ERAP1: variants seen among roughly 807,000 people sequenced by gnomAD.
ERAP1 encodes endoplasmic reticulum aminopeptidase 1, also known as adipocyte-derived leucine aminopeptidase.
ERAP1 carries 86 observed loss-of-function variants against 103.7 expected under a neutral mutation model. That is an observed-to-expected ratio of 0.83 (90% confidence interval 0.70 to 0.99). The LOEUF is 0.99. Among genes scored for constraint, ERAP1 ranks in the 50% least tolerant of loss-of-function variants. ERAP1 has a pLI of 0.00. For missense variants in ERAP1, 1,009 were observed against 1,128.4 expected (o/e 0.89, Z 1.52); for synonymous variants, 398 against 402.4 (o/e 0.99, Z 0.13).
the ERAP1 span, chr5:96,915,551 T>C: frequency 4.7e-6 from 2 of 429,704 alleles, no homozygotes; most frequent in African/African-American, 2.0e-5. Flanking sequence ...AATGTTATTA[T>C]GGTAATTCAC....
the ERAP1 span, among the ~76,000 whole-genome samples, chr5:96,820,245 A>G: frequency 1.3e-5 from 2 of 152,228 alleles, no homozygotes; most frequent in African/African-American, 4.8e-5. Flanking sequence ...CTAACTAATC[A>G]GCATTTGCTT....
At chr5:96,780,350 T>G in intron 18 of ERAP1, 73 bp downstream of exon 18, 1 of 1,114,826 alleles carries the variant, frequency 9.0e-7, no homozygotes, top group Non-Finnish European at 1.3e-6. Context: ...CTCAAAGTAT[T>G]TTGTCTACCC....
chr5:96,836,602 G>C, the ERAP1 span, among the ~76,000 whole-genome samples: 1 of 152,130 alleles, frequency 6.6e-6, no homozygotes, highest in Admixed American at 6.5e-5. Flanking sequence ...GCATATTAGT[G>C]GCAAGGAGTT....
At position 96,803,399 on chromosome 5, in the gene ERAP1, AT is replaced by A. The variant is rs1429557878; in HGVS notation, c.524+3del. 6.2e-7 allele frequency: 1 copy of A among 1,612,518 alleles called. No homozygotes were observed. Among genetic ancestry groups the A allele is most frequent in the African/African-American group, 1.3e-5 (1 of 74,788 alleles). ...GTTTAAAAGAAAAAGAGAAAAAAAA[AT>A]ACCTCAGTTCCCCTTCCTTGGTTCT... On this transcript the variant is annotated splice_donor_region_variant and intron_variant, in intron 2 of 18. Coordinates refer to ENST00000443439, the MANE Select transcript of ERAP1 (RefSeq NM_001040458.3).
At chr5:96,763,017 C>T (rs1482520661) in exon 20 of ERAP1, 41 of 686,496 alleles carry the variant, frequency 6.0e-5, no homozygotes, top group Non-Finnish European at 7.2e-5. Flanking sequence ...ACCAAGGAGA[C>T]CACAGCACAT....
the ERAP1 span, among the ~76,000 whole-genome samples, chr5:96,933,772 G>A: frequency 6.6e-6 from 1 of 152,212 alleles, no homozygotes; most frequent in African/African-American, 2.4e-5. Context: ...CTAAAATATA[G>A]AGAAGAGCGT....
chr5:96,857,384 C>T, the ERAP1 span, among the ~76,000 whole-genome samples: 1 of 152,132 alleles, frequency 6.6e-6, no homozygotes, highest in South Asian at 2.1e-4. Context: ...AAGGAAAGAA[C>T]TTCATCTTGT....
chr5:96,786,833 C>T, intron 11 of ERAP1: 1 of 379,740 alleles, frequency 2.6e-6, no homozygotes, highest in South Asian at 2.7e-5. Flanking sequence ...ATCTCAGAGG[C>T]CTAACTTCAG....
At chr5:96,813,095 G>A (rs187587223), upstream of ERAP1, among the ~76,000 whole-genome samples, 81 of 152,230 alleles carry the variant, frequency 5.3e-4, no homozygotes, top group African/African-American at 1.7e-3. Flanking sequence ...CACTCCCTTG[G>A]CTACCCTGGT....
chr5:96,794,992 ATGAC>A, intron 5 of ERAP1, 46 bp downstream of exon 5: 1 of 1,607,716 alleles, frequency 6.2e-7, no homozygotes, highest in South Asian at 1.1e-5. Context: ...TGACAAATCT[ATGAC>A]TGTGTTCATC....
the ERAP1 span, among the ~76,000 whole-genome samples, chr5:96,839,448 C>G: frequency 3.5e-3 from 532 of 152,330 alleles, 5 homozygotes; most frequent in African/African-American, 0.013. Flanking sequence ...AAGGGGCCCA[C>G]TGTGAGTTAG....
chr5:96,895,215 C>A, the ERAP1 span: 1 of 1,296,550 alleles, frequency 7.7e-7, no homozygotes, highest in Non-Finnish European at 1.1e-6. Flanking sequence ...ATTTGTTTAA[C>A]TTCTAATAAT....
the ERAP1 span, among the ~76,000 whole-genome samples, chr5:96,823,695 A>G: frequency 6.6e-6 from 1 of 152,220 alleles, no homozygotes; most frequent in African/African-American, 2.4e-5. Context: ...TAAGTACACT[A>G]TGCATGAATT....
the ERAP1 span, among the ~76,000 whole-genome samples, chr5:96,843,245 C>G: frequency 1.3e-5 from 2 of 152,048 alleles, no homozygotes; most frequent in Admixed American, 1.3e-4. Context: ...TCGAGGTTTC[C>G]CACTGGTTAT....
intron 1 of ERAP1, among the ~76,000 whole-genome samples, 159 bp downstream of exon 1, chr5:96,807,701 G>A (rs982466222): frequency 5.4e-5 from 8 of 148,466 alleles, no homozygotes; most frequent in Non-Finnish European, 1.0e-4. Context: ...GCGCCCCGTC[G>A]CCTTCCTCCC....
chr5:96,935,820 C>T, the ERAP1 span: 1 of 332,964 alleles, frequency 3.0e-6, no homozygotes, highest in South Asian at 4.6e-5. Flanking sequence ...GACTGAACAC[C>T]GTTCCCGGCC....
the ERAP1 span, among the ~76,000 whole-genome samples, chr5:96,836,406 T>C: frequency 2.6e-5 from 4 of 152,136 alleles, no homozygotes; most frequent in Admixed American, 6.5e-5. Flanking sequence ...TTCACCATGT[T>C]GGCCAGGCTG....
downstream of ERAP1, chr5:96,772,555 T>C (rs184199207): frequency 3.3e-5 from 5 of 152,876 alleles, no homozygotes; most frequent in East Asian, 9.4e-4. Context: ...TACAATGCTT[T>C]TGCTAAGTGG....
chr5:96,780,890 A>G (rs1775071288), intron 17 of ERAP1, among the ~76,000 whole-genome samples, 168 bp downstream of exon 17: 1 of 152,254 alleles, frequency 6.6e-6, no homozygotes, highest in Non-Finnish European at 1.5e-5. Flanking sequence ...ACTAGTTAGC[A>G]CTGAAGTCCA....
Sources: allele counts gnomAD v4.1 joint callset (sites outside exome capture counted in the v4.1 genomes callset), GRCh38; gene constraint gnomAD v4.1.1; transcripts MANE v1.5; gene names NCBI Gene and HGNC (gene_info 2026-07-23, HGNC 2026-07-21).